CEP85L: variants seen among roughly 807,000 people sequenced by gnomAD.
CEP85L encodes the protein centrosomal protein 85L.
Under a neutral mutation model 100.3 loss-of-function variants are expected in CEP85L, and 60 were observed. The ratio of observed to expected loss-of-function variants is 0.60; its 90% CI spans 0.49 to 0.74. The LOEUF (loss-of-function observed/expected upper bound fraction) is 0.74. CEP85L is among the 30% of genes least tolerant of loss of function. The pLI is 0.00. For synonymous variants in CEP85L, 319 were observed against 322.7 expected (o/e 0.99, Z 0.12); for missense variants, 973 against 936.2 (o/e 1.04, Z -0.51).
chr6:118,501,601 A>C (rs530960627), intron 5 of CEP85L: 9 of 588,964 alleles, frequency 1.5e-5, no homozygotes, highest in South Asian at 1.3e-4. Context: ...TCAAACCAAT[A>C]TGTACTAATG....
chr6:118,568,445 T>A (rs1583068841), intron 2 of CEP85L, among the ~76,000 whole-genome samples: 1 of 152,226 alleles, frequency 6.6e-6, no homozygotes, highest in Admixed American at 6.5e-5. Flanking sequence ...AATGTGGCTG[T>A]ATAACAAGAA....
At chr6:118,529,219 G>A (rs1389641352) in intron 3 of CEP85L, among the ~76,000 whole-genome samples, 1 of 152,118 alleles carries the variant, frequency 6.6e-6, no homozygotes, top group Admixed American at 6.5e-5. Context: ...AAATGTTAAA[G>A]GTTTTCTGCC....
chr6:118,538,292 T>G (rs1777716078), intron 3 of CEP85L, among the ~76,000 whole-genome samples: 1 of 151,958 alleles, frequency 6.6e-6, no homozygotes, highest in Admixed American at 6.6e-5. Context: ...ACTAACTCTG[T>G]AAGCTTTTTG....
chr6:118,545,993 C>T (rs1039482583), intron 3 of CEP85L, among the ~76,000 whole-genome samples: 28 of 152,058 alleles, frequency 1.8e-4, no homozygotes, highest in South Asian at 4.2e-4. Context: ...TGACAAAGCA[C>T]CTCAAAAAAA....
chr6:118,620,583 G>A (rs961709952), intron 2 of CEP85L, among the ~76,000 whole-genome samples: 1 of 152,204 alleles, frequency 6.6e-6, no homozygotes, highest in Non-Finnish European at 1.5e-5. Context: ...AAGGCTCTCT[G>A]GGCCAGAAGC....
At chr6:118,632,865 G>A (rs1022723176) in intron 1 of CEP85L, among the ~76,000 whole-genome samples, 12 of 152,120 alleles carry the variant, frequency 7.9e-5, no homozygotes, top group African/African-American at 2.9e-4. Flanking sequence ...TTTTAAAGAC[G>A]TACTGCTGTG....
intron 1 of CEP85L, among the ~76,000 whole-genome samples, chr6:118,643,545 T>C (rs1775003907): frequency 6.6e-6 from 1 of 152,240 alleles, no homozygotes; most frequent in Non-Finnish European, 1.5e-5. Flanking sequence ...TTTCATTCAC[T>C]AGACATTAAC....
At chr6:118,628,637 A>C (rs1381898718) in intron 2 of CEP85L, among the ~76,000 whole-genome samples, 6 of 150,464 alleles carry the variant, frequency 4.0e-5, no homozygotes, top group Admixed American at 2.0e-4. Flanking sequence ...TCCATCCAAA[A>C]AAACAAACAA....
rs756580532 is a variant in CEP85L, at chr6:118,565,809, A to C, written c.740T>G (p.Leu247Arg). ...TGTCATGTCTACAGGCTGTCTCCTA[A>C]GAGTAGAGGAAGAGGCTCTAAAGTC... ...KEDFRASSST[L>R]RRQPVDMTYS... Residue 247 changes from leucine to arginine, a missense_variant, in exon 3 of 13, where the codon CTT (leucine) becomes CGT (arginine). Transcript: ENST00000368491. The C allele has an allele frequency of 2.5e-6, 4 of 1,614,146 alleles. No individual in the cohort carries two copies. Among genetic ancestry groups the C allele is most frequent in the Non-Finnish European group, 3.4e-6 (4 of 1,180,014 alleles).
chr6:118,512,693 A>C (rs1253703402), intron 4 of CEP85L, among the ~76,000 whole-genome samples: 1 of 152,192 alleles, frequency 6.6e-6, no homozygotes, highest in Non-Finnish European at 1.5e-5. Flanking sequence ...TTGTAAGATG[A>C]GTCTTGTCTC....
intron 1 of CEP85L, among the ~76,000 whole-genome samples, chr6:118,686,371 T>C (rs933981609): frequency 3.3e-5 from 5 of 152,204 alleles, no homozygotes; most frequent in African/African-American, 9.7e-5. Flanking sequence ...TCATTACACT[T>C]ACTCTTTGTT....
intron 1 of CEP85L, among the ~76,000 whole-genome samples, chr6:118,639,864 GA>G (rs1355750160): frequency 2.6e-5 from 4 of 152,104 alleles, no homozygotes; most frequent in African/African-American, 9.7e-5. Flanking sequence ...TTTGTGTTCA[GA>G]AAAAGGATTC....
At chr6:118,573,499 G>A (rs533338099) in intron 2 of CEP85L, among the ~76,000 whole-genome samples, 19 of 151,806 alleles carry the variant, frequency 1.3e-4, no homozygotes, top group Non-Finnish European at 2.6e-4. Context: ...GTAAACTTGT[G>A]ATTAAATCTA....
chr6:118,541,853 C>G (rs565375455), intron 3 of CEP85L, among the ~76,000 whole-genome samples: 4 of 152,228 alleles, frequency 2.6e-5, no homozygotes, highest in African/African-American at 9.6e-5. Flanking sequence ...TTAATTCTCA[C>G]CCCAAAAATG....
intron 5 of CEP85L, among the ~76,000 whole-genome samples, chr6:118,496,625 T>C (rs1393268055): frequency 6.6e-6 from 1 of 152,156 alleles, no homozygotes; most frequent in African/African-American, 2.4e-5. Flanking sequence ...AGTGCTGGGA[T>C]TACAGGCGTG....
At chr6:118,472,127 T>G (rs1035410479) in intron 10 of CEP85L, among the ~76,000 whole-genome samples, 30 of 152,126 alleles carry the variant, frequency 2.0e-4, no homozygotes, top group African/African-American at 6.3e-4. Flanking sequence ...TGATACATTG[T>G]AACAGAATAC....
intron 2 of CEP85L, chr6:118,589,324 T>C (rs1268238789): frequency 4.1e-6 from 1 of 242,238 alleles, no homozygotes; most frequent in Admixed American, 4.1e-5. Context: ...ATGATTCTGA[T>C]ATAGACTAAA....
At chr6:118,648,453 T>G (rs1775341465) in intron 1 of CEP85L, among the ~76,000 whole-genome samples, 1 of 151,956 alleles carries the variant, frequency 6.6e-6, no homozygotes, top group African/African-American at 2.4e-5. Context: ...TAGAAAGTGG[T>G]TCTATAAGCC....
chr6:118,483,681 AG>A, intron 7 of CEP85L, 24 bp downstream of exon 7: 1 of 1,588,718 alleles, frequency 6.3e-7, no homozygotes, highest in Non-Finnish European at 8.5e-7. Context: ...TGTCATTTAA[AG>A]ATAAGCATTT....
Sources: gnomAD v4.1 joint callset for allele counts (sites outside exome capture counted in the v4.1 genomes callset) on GRCh38, gnomAD v4.1.1 for gene constraint, MANE v1.5 for transcripts, NCBI Gene and HGNC (gene_info 2026-07-23, HGNC 2026-07-21) for gene names.